PARD3B: variants seen among roughly 807,000 people sequenced by gnomAD.
PARD3B encodes partitioning defective 3 homolog B.
Under a neutral mutation model 130.2 loss-of-function variants are expected in PARD3B, and 103 were observed. The ratio of observed to expected loss-of-function variants is 0.79; its 90% CI spans 0.67 to 0.93. The LOEUF (loss-of-function observed/expected upper bound fraction) is 0.93. Ranked by LOEUF, PARD3B falls within the 40% of genes least tolerant of loss-of-function variation. The probability of loss-of-function intolerance (pLI) is 0.00; values close to 1 mark genes in which losing one functional copy is unlikely to be tolerated. For synonymous variants in PARD3B, 583 were observed against 553.2 expected, an observed-to-expected ratio of 1.05 and a Z score of -0.76; for missense variants, 1,609 against 1,499.2, an observed-to-expected ratio of 1.07 and a Z score of -1.21.
intron 1 of PARD3B, among the ~76,000 whole-genome samples, chr2:204,582,252 AT>A (rs1231128355): frequency 6.6e-6 from 1 of 152,194 alleles, no homozygotes; most frequent in African/African-American, 2.4e-5. Flanking sequence ...TTTAATTTTC[AT>A]AAATTCATGT....
intron 16 of PARD3B, among the ~76,000 whole-genome samples, chr2:205,297,089 C>T (rs184934043): frequency 3.3e-5 from 5 of 151,732 alleles, no homozygotes; most frequent in African/African-American, 9.7e-5. Flanking sequence ...CCGTTCTTCT[C>T]GATCTTAAAG....
chr2:205,058,120 AT>A lies in PARD3B; in HGVS notation c.504+10434del, dbSNP rs775971594. ...TTCTGTTATACTTTTTCTCCCTATG[AT>A]TTTGACTACTCTAGGTGCCTTATAC... On this transcript the variant is annotated intron_variant, in intron 4 of 22. Transcript: ENST00000406610. 1.8e-3 allele frequency among the ~76,000 whole-genome samples: 270 copies of A among 151,672 alleles called. 1 individual carries two copies. The highest frequency in any genetic ancestry group is 6.1e-3 in the African/African-American group (254 of 41,418).
intron 22 of PARD3B, among the ~76,000 whole-genome samples, chr2:205,594,734 G>A (rs1303109071): frequency 6.6e-6 from 1 of 152,176 alleles, no homozygotes; most frequent in Non-Finnish European, 1.5e-5. Flanking sequence ...ACAGTGTGTT[G>A]GGGATGGGAG....
At chr2:204,951,383 G>T (rs1689755661) in intron 2 of PARD3B, among the ~76,000 whole-genome samples, 1 of 152,060 alleles carries the variant, frequency 6.6e-6, no homozygotes, top group Non-Finnish European at 1.5e-5. Flanking sequence ...TAATCCAGTG[G>T]ATCCCTTCAA....
At chr2:205,261,099 T>C (rs2040289902) in intron 16 of PARD3B, among the ~76,000 whole-genome samples, 1 of 152,182 alleles carries the variant, frequency 6.6e-6, no homozygotes, top group African/African-American at 2.4e-5. Flanking sequence ...TTTAATTTCC[T>C]ATGAACAAAT....
At chr2:205,579,325 TCTCATC>T (rs929198887) in intron 22 of PARD3B, among the ~76,000 whole-genome samples, 86 of 152,270 alleles carry the variant, frequency 5.6e-4, no homozygotes, top group African/African-American at 1.7e-3. Flanking sequence ...TTCCTGGCTC[TCTCATC>T]CTCATCCTCA....
chr2:205,081,813 A>G (rs747676232), intron 4 of PARD3B, among the ~76,000 whole-genome samples: 1 of 152,036 alleles, frequency 6.6e-6, no homozygotes, highest in Non-Finnish European at 1.5e-5. Flanking sequence ...TTGCCTCTCT[A>G]TTTATGAGTG....
intron 15 of PARD3B, among the ~76,000 whole-genome samples, chr2:205,239,091 T>C (rs921232684): frequency 6.6e-6 from 1 of 151,636 alleles, no homozygotes; most frequent in Admixed American, 6.6e-5. Context: ...TATGAGGCCT[T>C]ATCTACATTT....
At chr2:205,039,248 T>C (rs933186180) in intron 3 of PARD3B, among the ~76,000 whole-genome samples, 8 of 152,088 alleles carry the variant, frequency 5.3e-5, no homozygotes, top group Non-Finnish European at 7.3e-5. Flanking sequence ...ATGGGAGTAA[T>C]AGCAATACTG....
chr2:205,024,549 G>T (rs1696873716), intron 3 of PARD3B, among the ~76,000 whole-genome samples: 1 of 152,130 alleles, frequency 6.6e-6, no homozygotes, highest in Non-Finnish European at 1.5e-5. Flanking sequence ...TAGTTGTAGT[G>T]ATGTAGGTAG....
chr2:205,379,111 T>TC (rs1484213168), intron 18 of PARD3B, among the ~76,000 whole-genome samples: 1 of 152,114 alleles, frequency 6.6e-6, no homozygotes, highest in Non-Finnish European at 1.5e-5. Context: ...ATACTGATTC[T>TC]CACAGACTTT....
At chr2:205,516,744 G>T (rs2050806142) in intron 21 of PARD3B, among the ~76,000 whole-genome samples, 1 of 151,648 alleles carries the variant, frequency 6.6e-6, no homozygotes, top group Non-Finnish European at 1.5e-5. Flanking sequence ...TCTCTATTTG[G>T]ATGCCCTTTC....
chr2:205,420,763 T>A (rs963692968), intron 19 of PARD3B, among the ~76,000 whole-genome samples: 2 of 152,224 alleles, frequency 1.3e-5, no homozygotes, highest in Non-Finnish European at 2.9e-5. Flanking sequence ...GATACTTCCC[T>A]TGTATTATTT....
rs2031223984 is a variant in PARD3B, at chr2:205,125,098, C to T, written c.1306-511C>T. On this transcript the variant is annotated intron_variant, in intron 9 of 22. Coordinates refer to ENST00000406610, the MANE Select transcript of PARD3B (RefSeq NM_001302769.2). The surrounding 1 kb of genome is among the most constrained non-coding windows in gnomAD (Gnocchi z 4.0). Reference sequence around the variant, plus strand: ...TTTAGCTTTTCATGTTGTTCTAGATCATGAAAGAAGATGCACCAAATGACT... The same window carrying T: ...TTTAGCTTTTCATGTTGTTCTAGATTATGAAAGAAGATGCACCAAATGACT... Among the ~76,000 whole-genome samples the T allele has an allele frequency of 6.6e-6, 1 of 152,190 alleles. No individual in the cohort carries two copies.
At chr2:204,553,755 A>G (rs1438104324) in intron 1 of PARD3B, among the ~76,000 whole-genome samples, 1 of 147,510 alleles carries the variant, frequency 6.8e-6, no homozygotes, top group Non-Finnish European at 1.5e-5. Flanking sequence ...AATTAATGGC[A>G]TTTGCAGCAA....
At chr2:204,570,917 G>A (rs1396784483) in intron 1 of PARD3B, among the ~76,000 whole-genome samples, 1 of 150,040 alleles carries the variant, frequency 6.7e-6, no homozygotes, top group African/African-American at 2.5e-5. Context: ...TTGTAACTGA[G>A]GTGTATAAGC....
chr2:205,452,481 C>T (rs368679139), intron 20 of PARD3B, among the ~76,000 whole-genome samples: 2 of 152,104 alleles, frequency 1.3e-5, no homozygotes, highest in East Asian at 3.8e-4. Context: ...ATGCCATTTC[C>T]GTAGAGAGTT....
At chr2:205,560,094 A>AT (rs1276672143) in intron 22 of PARD3B, among the ~76,000 whole-genome samples, 1 of 152,194 alleles carries the variant, frequency 6.6e-6, no homozygotes, top group Non-Finnish European at 1.5e-5. Context: ...AACAGCTAAA[A>AT]TGTGGCAGAG....
chr2:204,883,894 T>G (rs1247729527), intron 2 of PARD3B, among the ~76,000 whole-genome samples: 1 of 151,826 alleles, frequency 6.6e-6, no homozygotes, highest in Non-Finnish European at 1.5e-5. Flanking sequence ...CGTGCCACCA[T>G]GCCCAGCTAA....
Sources: gnomAD v4.1 joint callset for allele counts (sites outside exome capture counted in the v4.1 genomes callset) on GRCh38, gnomAD v4.1.1 for gene constraint, Gnocchi (gnomAD v3.1) non-coding constraint, MANE v1.5 for transcripts, NCBI Gene and HGNC (gene_info 2026-07-23, HGNC 2026-07-21) for gene names.